SF3B6: variants seen among roughly 807,000 people sequenced by gnomAD.
The protein encoded by SF3B6 is splicing factor 3b subunit 6.
In SF3B6, 3 loss-of-function variants were observed where a neutral mutation model predicts 15.9. The observed-to-expected ratio is 0.19, with a 90% confidence interval of 0.09 to 0.49. The LOEUF (loss-of-function observed/expected upper bound fraction) is 0.49, where lower values mean the gene tolerates loss of function less well. Among genes scored for constraint, SF3B6 ranks in the 20% least tolerant of loss-of-function variants. The probability of loss-of-function intolerance (pLI) is 0.97; values close to 1 mark genes in which losing one functional copy is unlikely to be tolerated. For synonymous variants in SF3B6, 49 were observed against 51.1 expected (o/e 0.96, Z 0.18); for missense variants, 71 against 154.3 (o/e 0.46, Z 2.86).
At position 24,076,236 on chromosome 2, in the gene SF3B6, G is replaced by A; in HGVS notation, c.-7C>T. ...TGGCCGCTTGCATCGCCATCTTGGC[G>A]GGCTGATGAAGTTACCGTAGCAGAT... On this transcript the variant is annotated 5_prime_UTR_variant, in exon 1 of 4. Coordinates refer to ENST00000233468, the MANE Select transcript of SF3B6 (RefSeq NM_016047.4). The A allele has an allele frequency of 2.5e-6, 4 of 1,614,180 alleles. No individual in the cohort carries two copies. The highest frequency in any genetic ancestry group is 1.7e-5 in the Admixed American group (1 of 60,030).
At chr2:24,070,468 G>T (rs191919289) in intron 2 of SF3B6, among the ~76,000 whole-genome samples, 99 of 152,312 alleles carry the variant, frequency 6.5e-4, no homozygotes, top group African/African-American at 2.4e-3. Context: ...ACCTAAGCGT[G>T]TAACTTAGCC....
intron 1 of SF3B6, among the ~76,000 whole-genome samples, chr2:24,075,141 C>A (rs1664713461): frequency 6.6e-6 from 1 of 151,842 alleles, no homozygotes; most frequent in Non-Finnish European, 1.5e-5. Context: ...AAAAAAAAGT[C>A]AACTATCATC....
At chr2:24,069,235 T>A (rs1664612548) in intron 2 of SF3B6, among the ~76,000 whole-genome samples, 1 of 151,916 alleles carries the variant, frequency 6.6e-6, no homozygotes, top group Non-Finnish European at 1.5e-5. Context: ...AAGATGGGAG[T>A]GGAAGTGTGC....
chr2:24,072,608 C>T (rs185145012), intron 2 of SF3B6, among the ~76,000 whole-genome samples: 1 of 152,296 alleles, frequency 6.6e-6, no homozygotes, highest in African/African-American at 2.4e-5. Flanking sequence ...GACTGTATTT[C>T]ATAGATAATT....
intron 2 of SF3B6, among the ~76,000 whole-genome samples, chr2:24,071,553 C>T (rs929217806): frequency 2.6e-5 from 4 of 152,068 alleles, no homozygotes; most frequent in East Asian, 1.9e-4. Context: ...TGCAGTGAGC[C>T]GAGATCGTGC....
intron 2 of SF3B6, 78 bp from the exon 3 acceptor site, chr2:24,068,537 A>G (rs745684829): frequency 5.5e-6 from 7 of 1,280,224 alleles, no homozygotes; most frequent in Non-Finnish European, 6.4e-6. Context: ...CTGTCTTTTA[A>G]ACTGGTAACT....
Position 24,076,303 on chromosome 2 carries a change from C to A in SF3B6, c.-74G>T. 1.3e-6 allele frequency: 2 copies of A among 1,574,820 alleles called. No homozygotes were observed. The highest frequency in any genetic ancestry group is 1.7e-6 in the Non-Finnish European group (2 of 1,144,178). On this transcript the variant is annotated 5_prime_UTR_variant, in exon 1 of 4. Coordinates refer to ENST00000233468, the MANE Select transcript of SF3B6 (RefSeq NM_016047.4). ...AGCTCGCTCGGCTTCGGGGGTTACACCGCGTTAGATGCAGGACATCAACAT... is the reference window on the plus strand; with the variant it reads ...AGCTCGCTCGGCTTCGGGGGTTACAACGCGTTAGATGCAGGACATCAACAT...
Position 24,076,307 on chromosome 2 carries a change from G to C in SF3B6, c.-78C>G. The C allele has an allele frequency of 1.9e-6, 3 of 1,552,884 alleles. No homozygotes were observed. Among genetic ancestry groups the C allele is most frequent in the Non-Finnish European group, 2.7e-6 (3 of 1,124,166 alleles). ...CGCTCGGCTTCGGGGGTTACACCGC[G>C]TTAGATGCAGGACATCAACATCCAG... is the stretch of plus-strand genomic sequence containing the variant. On this transcript the variant is annotated 5_prime_UTR_variant, in exon 1 of 4. Transcript: ENST00000233468.
intron 2 of SF3B6, among the ~76,000 whole-genome samples, chr2:24,068,922 T>C (rs78362496): frequency 0.15 from 22,155 of 152,236 alleles, 1,944 homozygotes; most frequent in South Asian, 0.21. Context: ...TCTCAGCTCA[T>C]TGCAACCTCT....
intron 2 of SF3B6, 89 bp from the exon 3 acceptor site, chr2:24,068,548 G>T: frequency 1.7e-6 from 2 of 1,205,240 alleles, no homozygotes; most frequent in Non-Finnish European, 2.3e-6. Flanking sequence ...ACTGGTAACT[G>T]TCTTTTAAAA....
intron 2 of SF3B6, among the ~76,000 whole-genome samples, chr2:24,072,796 A>G (rs1057058856): frequency 2.0e-5 from 3 of 152,192 alleles, no homozygotes; most frequent in Admixed American, 1.3e-4. Context: ...AGTCACACAC[A>G]TGGCTAGTAA....
intron 2 of SF3B6, among the ~76,000 whole-genome samples, chr2:24,070,775 T>C (rs894017656): frequency 7.2e-5 from 11 of 152,156 alleles, no homozygotes; most frequent in Admixed American, 1.3e-4. Flanking sequence ...TAAAGCATGA[T>C]CACAGTAATG....
intron 2 of SF3B6, among the ~76,000 whole-genome samples, chr2:24,070,799 G>A (rs1261205145): frequency 6.6e-6 from 1 of 152,096 alleles, no homozygotes; most frequent in Non-Finnish European, 1.5e-5. Flanking sequence ...CAGAAAAACA[G>A]CTGTTTCTCA....
chr2:24,075,638 C>A (rs908917882), intron 1 of SF3B6, among the ~76,000 whole-genome samples: 1 of 151,390 alleles, frequency 6.6e-6, no homozygotes, highest in Non-Finnish European at 1.5e-5. Flanking sequence ...AGAATGTAAG[C>A]AGAAGGACTT....
chr2:24,068,554 T>C (rs1490077770), intron 2 of SF3B6, 95 bp from the exon 3 acceptor site: 7 of 1,119,872 alleles, frequency 6.3e-6, no homozygotes, highest in African/African-American at 3.1e-5. Context: ...AACTGTCTTT[T>C]AAAAACAGTA....
rs1391369012 is a variant in SF3B6 at position 24,067,753 on chromosome 2, A to G, written c.*9T>C. On this transcript the variant is annotated 3_prime_UTR_variant, in exon 4 of 4. Transcript: ENST00000233468. Reference sequence around the variant, plus strand: ...TGGGATTTAGTCCAAATGAAAATGTAGAAAACATTTATTTTGGTGGATCTG... The same window carrying G: ...TGGGATTTAGTCCAAATGAAAATGTGGAAAACATTTATTTTGGTGGATCTG... 7 of 1,606,582 alleles carry G rather than the reference A, an allele frequency of 4.4e-6. No homozygotes were observed. Among genetic ancestry groups the G allele is most frequent in the Non-Finnish European group, 5.1e-6 (6 of 1,174,618 alleles).
rs1218702715 is a variant in SF3B6 at position 24,074,094 on chromosome 2, G to C, written c.131C>G (p.Pro44Arg). Residue 44 changes from proline to arginine, a missense_variant, in exon 2 of 4, where the codon CCT becomes CGT. Pro to Arg is a moderately radical substitution (Grantham distance 103, BLOSUM62 -2). Transcript: ENST00000233468. ...EMYDIFGKYG[P>R]IRQIRVGNTP... ...GACTCACACTCTGATTTGACGAATA[G>C]GTCCATATTTCCCAAATATATCATA... 1 of 1,582,120 alleles carries C rather than the reference G, an allele frequency of 6.3e-7. No individual in the cohort carries two copies. Among genetic ancestry groups the C allele is most frequent in the South Asian group, 1.1e-5 (1 of 89,714 alleles).
At chr2:24,073,761 T>C in intron 2 of SF3B6, 1 of 180,616 alleles carries the variant, frequency 5.5e-6, no homozygotes, top group Non-Finnish European at 1.1e-5. Context: ...GCTTTACAAA[T>C]AACAGGTATG....
intron 3 of SF3B6, 70 bp downstream of exon 3, chr2:24,068,251 C>T: frequency 2.0e-6 from 3 of 1,497,238 alleles, no homozygotes; most frequent in Non-Finnish European, 2.7e-6. Flanking sequence ...GCATGAGCCA[C>T]CGCGCCCGGC....
Sources: allele counts gnomAD v4.1 joint callset (sites outside exome capture counted in the v4.1 genomes callset), GRCh38; gene constraint gnomAD v4.1.1; transcripts MANE v1.5; gene names NCBI Gene and HGNC (gene_info 2026-07-23, HGNC 2026-07-21).